Variants in FERMT2 observed in about 807,000 individuals in gnomAD.
FERMT2 encodes FERM domain containing kindlin 2.
A neutral mutation model predicts 82.7 loss-of-function variants in FERMT2; 15 were observed. The observed-to-expected ratio is 0.18, with a 90% CI of 0.12 to 0.28. FERMT2 has a LOEUF of 0.28. Among genes scored for constraint, FERMT2 ranks in the 10% least tolerant of loss-of-function variants. The pLI, the probability that FERMT2 is intolerant of heterozygous loss-of-function variation, is 1.00. For synonymous variants in FERMT2, 274 were observed against 271.5 expected, an observed-to-expected ratio of 1.01 and a Z score of -0.09; for missense variants, 645 against 809.4, an observed-to-expected ratio of 0.80 and a Z score of 2.46.
chr14:52,949,541 G>A (rs1403445680), intron 2 of FERMT2, among the ~76,000 whole-genome samples: 1 of 151,934 alleles, frequency 6.6e-6, no homozygotes, highest in Non-Finnish European at 1.5e-5. Flanking sequence ...AGCTCAGGAA[G>A]ATAGTTCTCT....
chr14:52,942,992 C>T (rs751123913), intron 2 of FERMT2, among the ~76,000 whole-genome samples: 10 of 152,022 alleles, frequency 6.6e-5, no homozygotes, highest in African/African-American at 2.2e-4. Context: ...GTGGGCGGAT[C>T]GCCTAAGGTC....
chr14:52,899,458 ATTT>A (rs1887495772), intron 3 of FERMT2, among the ~76,000 whole-genome samples: 1 of 151,910 alleles, frequency 6.6e-6, no homozygotes, highest in South Asian at 2.1e-4. Flanking sequence ...AAGTTTTTGT[ATTT>A]TTAGTAGAGA....
chr14:52,894,363 A>C (rs972496011), intron 3 of FERMT2, among the ~76,000 whole-genome samples: 3 of 152,236 alleles, frequency 2.0e-5, no homozygotes, highest in Admixed American at 1.3e-4. Flanking sequence ...AATTAAGCTA[A>C]AGATTTAATG....
rs148947354 is a variant in FERMT2, at chr14:52,938,952, T to C, written c.157+11460A>G. On this transcript the variant is annotated intron_variant, in intron 2 of 14. Transcript: ENST00000341590. Reference sequence around the variant, plus strand: ...GTATATGTGGAAGCATAAAATCTGCTTCTAGATGATCTTCATACTTTAATT... The same window carrying C: ...GTATATGTGGAAGCATAAAATCTGCCTCTAGATGATCTTCATACTTTAATT... 1.1e-4 allele frequency among the ~76,000 whole-genome samples: 16 copies of C among 152,278 alleles called. No homozygotes were observed. The East Asian group carries it at 3.1e-3, about 29-fold the overall frequency.
chr14:52,866,280 CCCAATTAGTGTACATCTGAAAG>C (rs1885274041), intron 10 of FERMT2, among the ~76,000 whole-genome samples: 1 of 152,194 alleles, frequency 6.6e-6, no homozygotes, highest in African/African-American at 2.4e-5. Context: ...TCCTCAGTTA[CCCAATTAGTGTACATCTGAAAG>C]ATGAAATGCA....
In FERMT2 at chr14:52,881,306, T is replaced by C. The variant is rs1436113432; in HGVS notation, c.690A>G (p.Pro230=). 1 of 1,614,010 alleles carries C rather than the reference T, an allele frequency of 6.2e-7. No homozygotes were observed. The highest frequency in any genetic ancestry group is 8.5e-7 in the Non-Finnish European group (1 of 1,180,020). The change falls in exon 5 of 15, where the codon CCA becomes CCG. Residue 230 remains proline (P), a synonymous_variant. Transcript: ENST00000341590. The stretch of plus-strand genomic sequence containing the variant: ...GCTTGAACATTTTTGCCAAGATTTC[T>C]GGTGACGTGATTGGTTGACTGACAG... ...ILAVSQPITS[P]EILAKMFKPQ...
intron 2 of FERMT2, among the ~76,000 whole-genome samples, chr14:52,933,602 T>C (rs1168160694): frequency 3.4e-5 from 5 of 147,862 alleles, no homozygotes; most frequent in Non-Finnish European, 7.4e-5. Flanking sequence ...CCCAGCTACT[T>C]GGGAGGCTGA....
chr14:52,892,952 A>C (rs549327047), intron 4 of FERMT2, among the ~76,000 whole-genome samples: 2 of 152,360 alleles, frequency 1.3e-5, no homozygotes, highest in Non-Finnish European at 2.9e-5. Context: ...ACATGAGAGA[A>C]ACTGACACTG....
intron 2 of FERMT2, among the ~76,000 whole-genome samples, chr14:52,924,342 C>A (rs1267142324): frequency 6.6e-6 from 1 of 152,152 alleles, no homozygotes; most frequent in African/African-American, 2.4e-5. Context: ...GCATTAGAAT[C>A]ATCTGAGCAG....
chr14:52,887,305 T>C (rs545422407), intron 4 of FERMT2, among the ~76,000 whole-genome samples: 1 of 152,088 alleles, frequency 6.6e-6, no homozygotes, highest in East Asian at 1.9e-4. Context: ...GGCAGGAGGA[T>C]TGCTTGAGAC....
chr14:52,901,280 CAAAAAAAAA>C (rs10638877), intron 3 of FERMT2, among the ~76,000 whole-genome samples: 1 of 57,258 alleles, frequency 1.7e-5, no homozygotes, highest in South Asian at 1.1e-3. Flanking sequence ...GACTCTGTCT[CAAAAAAAAA>C]AAAAAAAAAA....
chr14:52,871,402 AGG>A (rs931093851), intron 10 of FERMT2: 1 of 149,140 alleles, frequency 6.7e-6, no homozygotes, highest in African/African-American at 2.6e-5. Context: ...AGTGGTCCTC[AGG>A]GGATACAGCT....
intron 2 of FERMT2, among the ~76,000 whole-genome samples, chr14:52,922,030 C>T (rs575248780): frequency 1.9e-4 from 29 of 152,196 alleles, no homozygotes; most frequent in African/African-American, 6.7e-4. Context: ...CACTTGGGTT[C>T]CTCCAGAAGG....
chr14:52,950,651 C>G (rs1388988841), intron 1 of FERMT2, 74 bp from the exon 2 acceptor site: 4 of 1,477,900 alleles, frequency 2.7e-6, no homozygotes, highest in Non-Finnish European at 3.7e-6. Flanking sequence ...GAATTCGCAG[C>G]GCCGGCCACG....
intron 10 of FERMT2, among the ~76,000 whole-genome samples, chr14:52,868,161 G>C (rs1377291818): frequency 6.6e-6 from 1 of 151,320 alleles, no homozygotes; most frequent in Non-Finnish European, 1.5e-5. Context: ...CTATTAAGAA[G>C]TATTCATCCT....
At chr14:52,906,814 C>T (rs1888036567) in intron 3 of FERMT2, among the ~76,000 whole-genome samples, 1 of 151,844 alleles carries the variant, frequency 6.6e-6, no homozygotes, top group Non-Finnish European at 1.5e-5. Flanking sequence ...TTTCAGGATA[C>T]ATCATAATCA....
chr14:52,906,641 C>A (rs1052616764), intron 3 of FERMT2, among the ~76,000 whole-genome samples: 3 of 151,548 alleles, frequency 2.0e-5, no homozygotes, highest in African/African-American at 7.3e-5. Flanking sequence ...GGAAAACACA[C>A]ATAATAGAAA....
chr14:52,922,981 T>C (rs62003539), intron 2 of FERMT2, among the ~76,000 whole-genome samples: 19,445 of 152,238 alleles, frequency 0.13, 1,304 homozygotes, highest in Middle Eastern at 0.19. Context: ...CTAGGTTATA[T>C]GGTATGGCCT....
At chr14:52,879,111 A>G (rs1886147294) in intron 6 of FERMT2, among the ~76,000 whole-genome samples, 3 of 152,190 alleles carry the variant, frequency 2.0e-5, no homozygotes, top group Admixed American at 2.0e-4. Context: ...TCAGAAAGCA[A>G]ATTATTCTGG....
Sources: gnomAD v4.1 joint callset for allele counts (sites outside exome capture counted in the v4.1 genomes callset) on GRCh38, gnomAD v4.1.1 for gene constraint, MANE v1.5 for transcripts, NCBI Gene and HGNC (gene_info 2026-07-23, HGNC 2026-07-21) for gene names.